The following DSN1 variants were observed in gnomAD, a reference collection of about 807,000 sequenced individuals.
DSN1 encodes DSN1 component of MIS12 kinetochore complex.
Under a neutral mutation model 45.7 loss-of-function variants are expected in DSN1, and 31 were observed. The observed-to-expected ratio is 0.68, with a 90% CI of 0.51 to 0.92. The LOEUF (loss-of-function observed/expected upper bound fraction) is 0.92. Ranked by LOEUF, DSN1 falls within the 40% of genes least tolerant of loss-of-function variation. The pLI is 0.00. For missense variants in DSN1, 394 were observed against 414.2 expected, an observed-to-expected ratio of 0.95 and a Z score of 0.42; for synonymous variants, 134 against 142.3, an observed-to-expected ratio of 0.94 and a Z score of 0.41.
chr20:36,755,800 A>C lies in DSN1; in HGVS notation c.755T>G (p.Val252Gly), dbSNP rs760600951. 7.9e-5 allele frequency: 128 copies of C among 1,612,868 alleles called. No homozygotes were observed. The highest frequency in any genetic ancestry group is 1.0e-4 in the Non-Finnish European group (123 of 1,179,740). ...RGSTEAKITE[V>G]KVEPMTYLGS... ...AAGATATGTCATAGGTTCCACTTTG[A>C]CCTCAGTAATTTTGGCCTCAGTTGA... Residue 252 changes from valine (V) to glycine (G), a missense_variant, in exon 9 of 11, where the codon GTC becomes GGC. Val to Gly is a moderately radical substitution (Grantham distance 109). Coordinates refer to ENST00000373750, the MANE Select transcript of DSN1 (RefSeq NM_001145315.2).
At chr20:36,766,690 C>A in intron 5 of DSN1, 79 bp downstream of exon 5, 1 of 1,232,768 alleles carries the variant, frequency 8.1e-7, no homozygotes, top group South Asian at 1.3e-5. Flanking sequence ...TATAAGGGAG[C>A]AGCTTCTGTA....
chr20:36,767,293 A>C lies in DSN1; in HGVS notation c.430-452T>G, dbSNP rs572438984. Among the ~76,000 whole-genome samples, 92 of 152,058 alleles carry C rather than the reference A, an allele frequency of 6.1e-4. 1 individual carries two copies. Among genetic ancestry groups the C allele is most frequent in the African/African-American group, 2.1e-3 (89 of 41,406 alleles). ...CTGCACTCCAGCCTGGTGACAGAGCAAGACTCCGTCTCAAAAAAACAACAA... is the reference window on the plus strand; with the variant it reads ...CTGCACTCCAGCCTGGTGACAGAGCCAGACTCCGTCTCAAAAAAACAACAA... On this transcript the variant is annotated intron_variant, in intron 4 of 10. Coordinates refer to ENST00000373750, the MANE Select transcript of DSN1 (RefSeq NM_001145315.2).
intron 4 of DSN1, among the ~76,000 whole-genome samples, chr20:36,767,204 G>A (rs1279654915): frequency 6.6e-6 from 1 of 152,094 alleles, no homozygotes; most frequent in East Asian, 1.9e-4. Context: ...CTACTCGGGA[G>A]GCTGAGGCGG....
At chr20:36,754,966 A>G in intron 9 of DSN1, 116 bp from the exon 10 acceptor site, 1 of 792,248 alleles carries the variant, frequency 1.3e-6, no homozygotes, top group Non-Finnish European at 2.1e-6. Context: ...TTCAGCCTGG[A>G]ATGCTTATGC....
chr20:36,765,765 T>C (rs1193961639), intron 5 of DSN1, among the ~76,000 whole-genome samples: 3 of 134,190 alleles, frequency 2.2e-5, no homozygotes, highest in Admixed American at 1.7e-4. Context: ...GCCACTACAC[T>C]CCAGCCTGGG....
Position 36,754,813 on chromosome 20 carries a change from G to C in DSN1, c.911C>G (p.Ala304Gly). The change falls in exon 10 of 11, where the codon GCC becomes GGC. Residue 304 changes from alanine (A) to glycine (G), a missense_variant. Transcript: ENST00000373750. ...ELQGSVKQLQ[A>G]FMDESTQCFQ... Reference sequence around the variant, plus strand: ...GCACTGGGTACTTTCATCCATAAAGGCCTGCAGCTGTTTCACTGATCCTTG... The same window carrying C: ...GCACTGGGTACTTTCATCCATAAAGCCCTGCAGCTGTTTCACTGATCCTTG... 1 of 1,613,928 alleles carries C rather than the reference G, an allele frequency of 6.2e-7. No homozygotes were observed. Among genetic ancestry groups the C allele is most frequent in the South Asian group, 1.1e-5 (1 of 91,082 alleles).
chr20:36,771,355 GA>G, intron 2 of DSN1, 69 bp downstream of exon 2: 2 of 1,545,986 alleles, frequency 1.3e-6, no homozygotes, highest in Non-Finnish European at 1.8e-6. Context: ...CAGGAGCCAG[GA>G]AAGATTTGGG....
At chr20:36,755,573 A>T in intron 9 of DSN1, 109 bp downstream of exon 9, 1 of 1,292,518 alleles carries the variant, frequency 7.7e-7, no homozygotes, top group East Asian at 2.4e-5. Flanking sequence ...GTAGAGTTGA[A>T]TATACATATT....
intron 6 of DSN1, among the ~76,000 whole-genome samples, chr20:36,760,962 C>T (rs1458622124): frequency 6.6e-6 from 1 of 152,166 alleles, no homozygotes; most frequent in Non-Finnish European, 1.5e-5. Flanking sequence ...CAATGTCAAT[C>T]CTAAAGACCT....
At chr20:36,754,719 T>C (rs773519739) in intron 10 of DSN1, 44 bp downstream of exon 10, 18 of 1,564,780 alleles carry the variant, frequency 1.2e-5, no homozygotes, top group Non-Finnish European at 1.6e-5. Flanking sequence ...AAGGCTATCA[T>C]GGAAAACAGC....
chr20:36,772,974 C>T lies in DSN1; in HGVS notation c.-16+688G>A, dbSNP rs566914511. ...CTCTTCATCGTCCCCTCCCTCCCAG[C>T]AGAAATCTGTCTGTGGGGGGTGCTA... On this transcript the variant is annotated intron_variant, in intron 1 of 10. Transcript: ENST00000373750. Among the ~76,000 whole-genome samples, 150 of 152,318 alleles carry T rather than the reference C, an allele frequency of 9.8e-4. 1 individual carries two copies. Among genetic ancestry groups the T allele is most frequent in the Middle Eastern group, 3.4e-3 (1 of 294 alleles).
chr20:36,762,133 G>C (rs1190948037), intron 6 of DSN1, among the ~76,000 whole-genome samples: 2 of 126,470 alleles, frequency 1.6e-5, no homozygotes, highest in African/African-American at 3.1e-5. Context: ...GTGAGACAGA[G>C]TCTCTCTCTG....
At chr20:36,771,291 G>T in intron 2 of DSN1, 98 bp from the exon 3 acceptor site, 1 of 1,484,858 alleles carries the variant, frequency 6.7e-7, no homozygotes, top group Non-Finnish European at 9.2e-7. Context: ...CCTAGATCGT[G>T]GAAACATAAA....
At chr20:36,771,383 G>A in intron 2 of DSN1, 42 bp downstream of exon 2, 3 of 1,599,028 alleles carry the variant, frequency 1.9e-6, no homozygotes, top group Non-Finnish European at 2.6e-6. Context: ...TCAGAAGCCT[G>A]AACCCAAGGT....
At chr20:36,761,678 T>C (rs940730523) in intron 6 of DSN1, among the ~76,000 whole-genome samples, 1 of 151,480 alleles carries the variant, frequency 6.6e-6, no homozygotes, top group Admixed American at 6.6e-5. Context: ...CTGGCCAACA[T>C]GGTGAAACTT....
chr20:36,756,797 C>T (rs573341815), intron 8 of DSN1, among the ~76,000 whole-genome samples: 1 of 152,252 alleles, frequency 6.6e-6, no homozygotes, highest in East Asian at 1.9e-4. Flanking sequence ...ACAAGCTTTG[C>T]CACAAAAGAT....
chr20:36,765,044 T>G (rs1037472434), intron 5 of DSN1, among the ~76,000 whole-genome samples: 1 of 151,796 alleles, frequency 6.6e-6, no homozygotes, highest in Non-Finnish European at 1.5e-5. Flanking sequence ...TCACCTATCA[T>G]ATAGTAAGAA....
At chr20:36,755,957 C>T (rs955162507) in intron 8 of DSN1, 128 bp from the exon 9 acceptor site, 175 of 1,108,472 alleles carry the variant, frequency 1.6e-4, no homozygotes, top group Middle Eastern at 3.2e-4. Context: ...CACTTCTTAA[C>T]AGAAAGGTTT....
At chr20:36,762,813 G>A (rs1336160537) in intron 5 of DSN1, among the ~76,000 whole-genome samples, 1 of 152,092 alleles carries the variant, frequency 6.6e-6, no homozygotes, top group East Asian at 1.9e-4. Flanking sequence ...GTGCAGTGGT[G>A]TGATCTCAGC....
Sources: allele counts gnomAD v4.1 joint callset (sites outside exome capture counted in the v4.1 genomes callset), GRCh38; gene constraint gnomAD v4.1.1; transcripts MANE v1.5; gene names NCBI Gene and HGNC (gene_info 2026-07-23, HGNC 2026-07-21).